Variants in CD300LF observed in about 807,000 individuals in gnomAD.
CD300LF encodes the protein CD300 molecule like family member f.
In CD300LF, 27 loss-of-function variants were observed where a neutral mutation model predicts 32.2. The ratio of observed to expected loss-of-function variants is 0.84; its 90% CI spans 0.62 to 1.15. The LOEUF (loss-of-function observed/expected upper bound fraction) is 1.15. Among genes scored for constraint, CD300LF ranks in the 50% most tolerant of loss-of-function variants. The pLI is 0.00. For missense variants in CD300LF, 348 were observed against 356.8 expected (o/e 0.98, Z 0.20); for synonymous variants, 139 against 143.2 (o/e 0.97, Z 0.21).
intron 1 of CD300LF, among the ~76,000 whole-genome samples, chr17:74,705,771 T>G (rs2033455040): frequency 6.6e-6 from 1 of 152,046 alleles, no homozygotes; most frequent in African/African-American, 2.4e-5. Context: ...ATTTTTGTAG[T>G]TTTAGTAGAA....
intron 1 of CD300LF, among the ~76,000 whole-genome samples, chr17:74,706,406 A>G (rs1325231532): frequency 2.0e-5 from 3 of 150,652 alleles, no homozygotes; most frequent in African/African-American, 7.3e-5. Context: ...AGGTGAGAAT[A>G]TGAGAGAAAG....
Position 74,712,901 on chromosome 17 carries a change from G to A in CD300LF, c.-35C>T. On this transcript the variant is annotated 5_prime_UTR_variant, in exon 1 of 7. Coordinates refer to ENST00000326165, the MANE Select transcript of CD300LF (RefSeq NM_139018.5). ...AGACAGGTCCCCGTTCCCCTCAGTG[G>A]AGCCTGGCAGCAGGAACAAACTACA... 6.2e-7 allele frequency: 1 copy of A among 1,611,070 alleles called. No individual in the cohort carries two copies. Among genetic ancestry groups the A allele is most frequent in the Non-Finnish European group, 8.5e-7 (1 of 1,177,860 alleles).
Position 74,703,078 on chromosome 17 carries a change from T to A in CD300LF, c.403A>T (p.Thr135Ser), listed in dbSNP as rs1434617554. ...IDPAPVTQEE[T>S]SSSPTLTGHH... ...CCGGTCAGAGTTGGGGAGCTGCTAG[T>A]TTCTTCTTGGGTGACTGGTGCTGTA... The change falls in exon 3 of 7, where the codon ACT (threonine) becomes TCT (serine). Residue 135 changes from threonine to serine, a missense_variant. Transcript: ENST00000326165. 1 of 1,613,978 alleles carries A rather than the reference T, an allele frequency of 6.2e-7. No individual in the cohort carries two copies. Among genetic ancestry groups the A allele is most frequent in the Non-Finnish European group, 8.5e-7 (1 of 1,179,926 alleles).
intron 3 of CD300LF, among the ~76,000 whole-genome samples, chr17:74,700,106 C>G (rs1275496433): frequency 6.6e-6 from 1 of 151,784 alleles, no homozygotes; most frequent in Non-Finnish European, 1.5e-5. Context: ...CGCGCCACTG[C>G]ACTCCAGCCT....
At position 74,711,882 on chromosome 17, in the gene CD300LF, CT is replaced by C. The variant is rs368059740; in HGVS notation, c.43+941del. Among the ~76,000 whole-genome samples the C allele has an allele frequency of 1.2e-3, 183 of 147,822 alleles. 2 individuals are homozygous for C. The highest frequency in any genetic ancestry group is 2.0e-3 in the Admixed American group (30 of 14,748). On this transcript the variant is annotated intron_variant, in intron 1 of 6. Coordinates refer to ENST00000326165, the MANE Select transcript of CD300LF (RefSeq NM_139018.5). ...TTGAAATTATTTTTTTGTTTTCTTTCTTTTTTTTTCTTTTTTCTTTTTTCTT... is the reference window on the plus strand; with the variant it reads ...TTGAAATTATTTTTTTGTTTTCTTTCTTTTTTTTCTTTTTTCTTTTTTCTT...
chr17:74,707,688 C>A (rs1292319041), intron 1 of CD300LF, among the ~76,000 whole-genome samples: 3 of 149,912 alleles, frequency 2.0e-5, no homozygotes, highest in African/African-American at 7.4e-5. Context: ...GCATTCCAGC[C>A]CGAGCAACAG....
At position 74,700,120 on chromosome 17, in the gene CD300LF, C is replaced by T. The variant is rs542029046; in HGVS notation, c.447-1639G>A. 4.7e-5 allele frequency among the ~76,000 whole-genome samples: 7 copies of T among 150,348 alleles called. No individual in the cohort carries two copies. In the East Asian group the frequency reaches 7.8e-4, roughly 17 times the overall value. On this transcript the variant is annotated intron_variant, in intron 3 of 6. Coordinates refer to ENST00000326165, the MANE Select transcript of CD300LF (RefSeq NM_139018.5). ...TCGCGCCACTGCACTCCAGCCTGGT[C>T]GACAGAGCAAGACCCTGTCTCAATA... is the stretch of plus-strand genomic sequence containing the variant.
chr17:74,698,129 GAGAGA>G, intron 4 of CD300LF, among the ~76,000 whole-genome samples: 1 of 152,358 alleles, frequency 6.6e-6, no homozygotes, highest in African/African-American at 2.4e-5. Context: ...AGGTGGATCA[GAGAGA>G]AGAGAAGGGG....
At chr17:74,708,321 A>G (rs2033679646) in intron 1 of CD300LF, among the ~76,000 whole-genome samples, 1 of 152,164 alleles carries the variant, frequency 6.6e-6, no homozygotes, top group African/African-American at 2.4e-5. Flanking sequence ...ATACAGCTTC[A>G]ATGGAAATAT....
intron 4 of CD300LF, among the ~76,000 whole-genome samples, chr17:74,697,196 A>T (rs2032571085): frequency 6.6e-6 from 1 of 152,124 alleles, no homozygotes; most frequent in Non-Finnish European, 1.5e-5. Flanking sequence ...CACCCGCCTC[A>T]ACCTCCCTAA....
chr17:74,701,010 A>C (rs751061541), intron 3 of CD300LF, among the ~76,000 whole-genome samples: 1 of 152,060 alleles, frequency 6.6e-6, no homozygotes, highest in Non-Finnish European at 1.5e-5. Flanking sequence ...CACATAGGAA[A>C]AAGATAGCCA....
chr17:74,708,615 C>T (rs1199141135), intron 1 of CD300LF, among the ~76,000 whole-genome samples: 1 of 152,130 alleles, frequency 6.6e-6, no homozygotes, highest in Admixed American at 6.6e-5. Flanking sequence ...TGGTTTTTAA[C>T]ATTAAAAAAT....
chr17:74,704,884 G>C, intron 1 of CD300LF, 68 bp from the exon 2 acceptor site: 1 of 1,244,416 alleles, frequency 8.0e-7, no homozygotes, highest in Non-Finnish European at 1.1e-6. Context: ...TTCTGTTTAG[G>C]GAATAGCTCC....
intron 1 of CD300LF, among the ~76,000 whole-genome samples, chr17:74,707,909 A>T (rs919558838): frequency 4.6e-5 from 7 of 152,104 alleles, no homozygotes; most frequent in Admixed American, 4.6e-4. Context: ...GCACTGTGAG[A>T]GGCCGAGGCA....
chr17:74,711,847 T>C (rs2033985151), intron 1 of CD300LF, among the ~76,000 whole-genome samples: 1 of 152,162 alleles, frequency 6.6e-6, no homozygotes, highest in South Asian at 2.1e-4. Context: ...TACTTATCAC[T>C]TCTCACTTCT....
intron 2 of CD300LF, among the ~76,000 whole-genome samples, chr17:74,704,153 G>A (rs1327010908): frequency 6.6e-6 from 1 of 152,204 alleles, no homozygotes; most frequent in Non-Finnish European, 1.5e-5. Flanking sequence ...GGCAAGGACT[G>A]GGGTCTCTGG....
Position 74,694,538 on chromosome 17 carries a change from A to G in CD300LF, c.*558T>C, listed in dbSNP as rs1488173507. The G allele has an allele frequency of 6.6e-6, 1 of 151,858 alleles. No individual in the cohort carries two copies. Among genetic ancestry groups the G allele is most frequent in the Non-Finnish European group, 1.5e-5 (1 of 67,998 alleles). The allele number at this position is 151,858 out of a possible 1,614,324, so 9.4% of individuals were successfully genotyped here. A position where few individuals can be genotyped will look rare whatever the true frequency, so the allele number is the denominator to read the frequency against. ...CCACTTCCATCATCACTTTGTCTCT[A>G]CCTCTTTGACCTTCTGGCCTCTTTC... On this transcript the variant is annotated 3_prime_UTR_variant, in exon 7 of 7. Transcript: ENST00000326165.
rs748585405 is a variant in CD300LF, at chr17:74,695,799, T to C, written c.643A>G (p.Thr215Ala). Residue 215 changes from threonine to alanine, a missense_variant, in exon 6 of 7, where the codon ACC (threonine) becomes GCC (alanine). Thr to Ala is a moderately conservative substitution (Grantham distance 58). Transcript: ENST00000326165. ...TTCGTGGTAGCCTTTTGCGGGGAGG[T>C]TCCGGCCAGCTGCAGGGTCAGGTCT... is the stretch of plus-strand genomic sequence containing the variant. Reference protein sequence around the residue: ...YADLTLQLAGTSPQKATTKLS... With the variant: ...YADLTLQLAGASPQKATTKLS... 2 of 1,614,010 alleles carry C rather than the reference T, an allele frequency of 1.2e-6. No individual in the cohort carries two copies. The highest frequency in any genetic ancestry group is 1.7e-6 in the Non-Finnish European group (2 of 1,179,998).
rs968229572 is a variant in CD300LF, at chr17:74,707,188, T to C, written c.44-2372A>G. Among the ~76,000 whole-genome samples, 23 of 152,206 alleles carry C rather than the reference T, an allele frequency of 1.5e-4. No homozygotes were observed. In the East Asian group the frequency reaches 1.9e-3, roughly 13 times the overall value. ...ACAGCAAAGGAAACAACCAAGAGAA[T>C]GAAGCGACAACCTACAGAGTGAGAG... On this transcript the variant is annotated intron_variant, in intron 1 of 6. Transcript: ENST00000326165.
Sources: allele counts gnomAD v4.1 joint callset (sites outside exome capture counted in the v4.1 genomes callset), GRCh38; gene constraint gnomAD v4.1.1; transcripts MANE v1.5; gene names NCBI Gene and HGNC (gene_info 2026-07-23, HGNC 2026-07-21).